Variants in CNTN5 observed in about 807,000 individuals in gnomAD.
CNTN5 encodes the protein contactin-5.
In CNTN5, 77 loss-of-function variants were observed where a neutral mutation model predicts 129.1. That is an observed-to-expected ratio of 0.60 (90% CI 0.50 to 0.72). The LOEUF is 0.72. Among genes scored for constraint, CNTN5 ranks in the 30% least tolerant of loss-of-function variants. The pLI is 0.00. For missense variants in CNTN5, 1,478 were observed against 1,328.8 expected, an observed-to-expected ratio of 1.11 and a Z score of -1.75; for synonymous variants, 509 against 465.6, an observed-to-expected ratio of 1.09 and a Z score of -1.20.
intron 2 of CNTN5, among the ~76,000 whole-genome samples, chr11:99,492,903 T>C (rs1044866585): frequency 2.0e-5 from 3 of 152,218 alleles, no homozygotes; most frequent in African/African-American, 7.2e-5. Context: ...CTTCTTGGCA[T>C]CTTTATGTCT....
At chr11:99,409,228 G>T (rs1942274947) in intron 2 of CNTN5, among the ~76,000 whole-genome samples, 1 of 152,188 alleles carries the variant, frequency 6.6e-6, no homozygotes. Flanking sequence ...ACTTTGGGAG[G>T]CCATGGTGGG....
chr11:99,552,513 G>A (rs1948526737), intron 2 of CNTN5, among the ~76,000 whole-genome samples: 1 of 152,138 alleles, frequency 6.6e-6, no homozygotes, highest in South Asian at 2.1e-4. Context: ...GAGCTGACAG[G>A]AGGGGGCTTG....
At chr11:99,029,721 T>G (rs1863271934) in intron 1 of CNTN5, among the ~76,000 whole-genome samples, 1 of 152,138 alleles carries the variant, frequency 6.6e-6, no homozygotes, top group Admixed American at 6.6e-5. Flanking sequence ...TAAGATAAAC[T>G]GAAAAAATTG....
At chr11:99,246,077 G>A (rs922876540) in intron 1 of CNTN5, among the ~76,000 whole-genome samples, 2 of 152,118 alleles carry the variant, frequency 1.3e-5, no homozygotes, top group African/African-American at 4.8e-5. Context: ...AATTAATTGT[G>A]TGTGATGTTT....
At chr11:99,389,118 C>A (rs1189879055) in intron 2 of CNTN5, among the ~76,000 whole-genome samples, 1 of 149,634 alleles carries the variant, frequency 6.7e-6, no homozygotes, top group Non-Finnish European at 1.5e-5. Flanking sequence ...CAACCTCTGC[C>A]TCCCAGGTTC....
chr11:99,328,065 G>A (rs1040935422), intron 2 of CNTN5, among the ~76,000 whole-genome samples: 8 of 152,178 alleles, frequency 5.3e-5, no homozygotes, highest in Non-Finnish European at 8.8e-5. Flanking sequence ...TAAGAATAGA[G>A]TAGAATGTGC....
At chr11:99,099,464 T>C (rs1866620289) in intron 1 of CNTN5, among the ~76,000 whole-genome samples, 1 of 152,008 alleles carries the variant, frequency 6.6e-6, no homozygotes, top group Non-Finnish European at 1.5e-5. Context: ...TTATAGATAA[T>C]GTTGCAAAAG....
chr11:99,599,509 GTGT>G (rs1451152734), intron 3 of CNTN5, among the ~76,000 whole-genome samples: 1 of 152,066 alleles, frequency 6.6e-6, no homozygotes, highest in African/African-American at 2.4e-5. Context: ...TAATATTTCG[GTGT>G]TATTTCCAAA....
intron 2 of CNTN5, among the ~76,000 whole-genome samples, chr11:99,545,651 A>T (rs918844458): frequency 1.3e-5 from 2 of 152,238 alleles, no homozygotes; most frequent in Admixed American, 6.5e-5. Flanking sequence ...AAACAAATTT[A>T]TCCATGTGAA....
At chr11:99,076,437 A>C (rs1174022582) in intron 1 of CNTN5, among the ~76,000 whole-genome samples, 1 of 152,092 alleles carries the variant, frequency 6.6e-6, no homozygotes, top group East Asian at 1.9e-4. Flanking sequence ...ATATAGAAAC[A>C]TGAAAACCAC....
chr11:100,337,516 A>C, intron 21 of CNTN5: 1 of 740,690 alleles, frequency 1.4e-6, no homozygotes. Flanking sequence ...AACCAGCTCA[A>C]ACGCATGTCT....
intron 2 of CNTN5, among the ~76,000 whole-genome samples, chr11:99,491,104 G>A (rs1402133392): frequency 6.6e-6 from 1 of 152,168 alleles, no homozygotes; most frequent in Non-Finnish European, 1.5e-5. Flanking sequence ...GGTCTCCATA[G>A]TTGTGAGAAC....
Position 99,466,840 on chromosome 11 carries a change from T to C in CNTN5, c.-70-89305T>C, listed in dbSNP as rs74889301. The stretch of plus-strand genomic sequence containing the variant: ...ATTTTTATTTTGATTTTTTTTTAAA[T>C]ACGGATTTCATATTTAGACAGAGAA... On this transcript the variant is annotated intron_variant, in intron 2 of 24. Transcript: ENST00000524871. Among the ~76,000 whole-genome samples, 1,196 of 152,190 alleles carry C rather than the reference T, an allele frequency of 7.9e-3. 21 individuals are homozygous for C. The highest frequency in any genetic ancestry group is 0.027 in the African/African-American group (1,116 of 41,504).
Position 100,357,607 on chromosome 11 carries a change from G to A in CNTN5, c.*1387G>A, listed in dbSNP as rs895934948. ...TATTGCAAAGTCATATGCCAGAGAA[G>A]AGCCTGGAGAAACTATGGTTTTATA... On this transcript the variant is annotated 3_prime_UTR_variant, in exon 25 of 25. Coordinates refer to ENST00000524871, the MANE Select transcript of CNTN5 (RefSeq NM_014361.4). 2.0e-5 allele frequency: 3 copies of A among 151,754 alleles called. No individual in the cohort carries two copies. The allele number at this position is 151,754 out of a possible 1,614,324, so 9.4% of individuals were successfully genotyped here. A position where few individuals can be genotyped will look rare whatever the true frequency, so the allele number is the denominator to read the frequency against.
At chr11:100,127,171 C>T in intron 13 of CNTN5, among the ~76,000 whole-genome samples, 1 of 139,312 alleles carries the variant, frequency 7.2e-6, no homozygotes, top group East Asian at 2.2e-4. Flanking sequence ...AACCTCTGGT[C>T]TCAATCTATC....
intron 8 of CNTN5, among the ~76,000 whole-genome samples, chr11:99,973,793 C>T (rs948240909): frequency 6.6e-6 from 1 of 152,148 alleles, no homozygotes; most frequent in African/African-American, 2.4e-5. Flanking sequence ...TCTAAAACTA[C>T]TTCTGGAAAG....
At chr11:99,636,969 T>C (rs1487501796) in intron 3 of CNTN5, among the ~76,000 whole-genome samples, 178 of 38,966 alleles carry the variant, frequency 4.6e-3, no homozygotes, top group Admixed American at 0.012. Flanking sequence ...GCGAAGATCA[T>C]GCCACTGCAC....
At chr11:99,965,609 TGTG>T in intron 8 of CNTN5, among the ~76,000 whole-genome samples, 1 of 152,304 alleles carries the variant, frequency 6.6e-6, no homozygotes, top group South Asian at 2.1e-4. Flanking sequence ...ACAGGTGTGG[TGTG>T]GTGCTGAGAA....
At chr11:99,694,671 C>T (rs943441461) in intron 3 of CNTN5, among the ~76,000 whole-genome samples, 8 of 152,102 alleles carry the variant, frequency 5.3e-5, no homozygotes, top group East Asian at 1.9e-4. Context: ...CCTCCCCGAG[C>T]CCCCCACCCC....
Sources: gnomAD v4.1 joint callset for allele counts (sites outside exome capture counted in the v4.1 genomes callset) on GRCh38, gnomAD v4.1.1 for gene constraint, MANE v1.5 for transcripts, NCBI Gene and HGNC (gene_info 2026-07-23, HGNC 2026-07-21) for gene names.